RIPOR2: variants seen among roughly 807,000 people sequenced by gnomAD.
RIPOR2 encodes rho family-interacting cell polarization regulator 2.
RIPOR2 carries 39 observed loss-of-function variants against 114.5 expected under a neutral mutation model. That is an observed-to-expected ratio of 0.34 (90% CI 0.26 to 0.44). The LOEUF is 0.44. Among genes scored for constraint, RIPOR2 ranks in the 20% least tolerant of loss-of-function variants. RIPOR2 has a pLI of 1.00. For missense variants in RIPOR2, 1,007 were observed against 1,255.1 expected, an observed-to-expected ratio of 0.80 and a Z score of 2.99; for synonymous variants, 445 against 484.4, an observed-to-expected ratio of 0.92 and a Z score of 1.07.
chr6:25,002,184 A>G (rs977802878), intron 1 of RIPOR2, among the ~76,000 whole-genome samples: 8 of 152,256 alleles, frequency 5.3e-5, no homozygotes, highest in Non-Finnish European at 1.0e-4. Context: ...TCCTTAGACT[A>G]TAGGTATGAC....
rs1257954178 is a variant in RIPOR2 at position 24,832,365 on chromosome 6, T to A, written c.2235A>T (p.Pro745=). 1 of 1,552,104 alleles carries A rather than the reference T, an allele frequency of 6.4e-7. No homozygotes were observed. The highest frequency in any genetic ancestry group is 8.7e-7 in the Non-Finnish European group (1 of 1,147,034). The change falls in exon 16 of 22, where the codon CCA becomes CCT. Residue 745 remains proline, a synonymous_variant. Transcript: ENST00000643898. ...VQQIVFSSKT[P]FVARSLLEKL... ...TCTCTAAGAGACTTCTTGCCACAAA[T>A]GGGGTTTTGCTTGAGAAAACAATTT...
intron 1 of RIPOR2, among the ~76,000 whole-genome samples, chr6:24,973,495 G>T (rs751288082): frequency 2.4e-4 from 36 of 151,806 alleles, no homozygotes; most frequent in Non-Finnish European, 4.4e-4. Context: ...TACTTGGGAG[G>T]CTGAGGCAGG....
At chr6:24,926,476 T>C (rs914819252) in intron 1 of RIPOR2, among the ~76,000 whole-genome samples, 8 of 152,350 alleles carry the variant, frequency 5.3e-5, no homozygotes, top group African/African-American at 1.9e-4. Flanking sequence ...GTATGTATTC[T>C]GTGCCAAGCA....
At chr6:24,894,339 G>T (rs1385846589) in intron 1 of RIPOR2, among the ~76,000 whole-genome samples, 1 of 152,120 alleles carries the variant, frequency 6.6e-6, no homozygotes, top group Non-Finnish European at 1.5e-5. Context: ...GTATAGAAGG[G>T]AAATTCATCT....
intron 1 of RIPOR2, among the ~76,000 whole-genome samples, chr6:24,932,314 CTGTG>C (rs58590259): frequency 0.099 from 14,630 of 148,420 alleles, 1,213 homozygotes; most frequent in African/African-American, 0.23. Flanking sequence ...AAACTTAAGA[CTGTG>C]TGTGTGTGTG....
intron 1 of RIPOR2, among the ~76,000 whole-genome samples, chr6:25,005,579 T>G (rs1480594607): frequency 1.3e-5 from 2 of 151,082 alleles, no homozygotes; most frequent in African/African-American, 4.9e-5. Context: ...GTGAACAAAG[T>G]CAGAGACATA....
At chr6:24,862,690 A>G (rs1581635186) in intron 7 of RIPOR2, among the ~76,000 whole-genome samples, 2 of 152,226 alleles carry the variant, frequency 1.3e-5, no homozygotes, top group Admixed American at 1.3e-4. Context: ...AGACATATCA[A>G]CTATGCTATC....
chr6:24,960,188 T>C (rs1426986799), intron 1 of RIPOR2, among the ~76,000 whole-genome samples: 3 of 152,210 alleles, frequency 2.0e-5, no homozygotes, highest in Non-Finnish European at 4.4e-5. Context: ...TCTGTTTGTA[T>C]TGCTACAACA....
chr6:25,035,428 A>G (rs1777194358), intron 1 of RIPOR2, among the ~76,000 whole-genome samples: 2 of 152,168 alleles, frequency 1.3e-5, no homozygotes, highest in Non-Finnish European at 2.9e-5. Flanking sequence ...CCCAGCCTGA[A>G]GCCTAAAATC....
chr6:24,877,564 G>A (rs1029155577), intron 1 of RIPOR2, among the ~76,000 whole-genome samples: 1 of 152,146 alleles, frequency 6.6e-6, no homozygotes, highest in Admixed American at 6.5e-5. Flanking sequence ...GTGCAGATAA[G>A]GTTCTCTCTG....
chr6:24,829,327 T>A (rs548143290), intron 17 of RIPOR2, among the ~76,000 whole-genome samples: 109 of 151,410 alleles, frequency 7.2e-4, no homozygotes, highest in African/African-American at 1.9e-3. Context: ...ATAAATAAAT[T>A]AATTAATTAA....
At chr6:24,911,609 G>C (rs552724580) in intron 1 of RIPOR2, among the ~76,000 whole-genome samples, 1 of 152,266 alleles carries the variant, frequency 6.6e-6, no homozygotes, top group African/African-American at 2.4e-5. Context: ...CATAAAGATG[G>C]CAGAAAGAGA....
chr6:24,899,037 G>C (rs1768163442), intron 1 of RIPOR2, among the ~76,000 whole-genome samples: 1 of 148,458 alleles, frequency 6.7e-6, no homozygotes, highest in Non-Finnish European at 1.5e-5. Context: ...GGCCTTAGCA[G>C]CTATCTATTG....
rs149123529 is a variant in RIPOR2, at chr6:24,962,863, G to A, written c.76+78988C>T. Among the ~76,000 whole-genome samples the A allele has an allele frequency of 4.4e-3, 662 of 152,182 alleles. 4 individuals carry two copies. The highest frequency in any genetic ancestry group is 0.014 in the Middle Eastern group (4 of 294). On this transcript the variant is annotated intron_variant, in intron 1 of 13. Coordinates refer to the RIPOR2 transcript ENST00000510784. ...TGAATTTGCTTGAGGTCTCCACTTGGGATTCAGTGATTGGAAGTGGAAAAA... is the reference window on the plus strand; with the variant it reads ...TGAATTTGCTTGAGGTCTCCACTTGAGATTCAGTGATTGGAAGTGGAAAAA...
chr6:25,027,225 T>G (rs1390875229), intron 1 of RIPOR2, among the ~76,000 whole-genome samples: 2 of 152,058 alleles, frequency 1.3e-5, no homozygotes. Context: ...CAAACGACAA[T>G]CGCGTAGGGG....
chr6:24,854,999 C>T (rs1763304408), intron 8 of RIPOR2, among the ~76,000 whole-genome samples: 1 of 140,854 alleles, frequency 7.1e-6, no homozygotes, highest in South Asian at 2.2e-4. Flanking sequence ...TGCACTTTAG[C>T]CTGGCAACAG....
intron 1 of RIPOR2, among the ~76,000 whole-genome samples, chr6:24,916,904 C>T (rs959611351): frequency 3.9e-5 from 6 of 152,164 alleles, no homozygotes; most frequent in Admixed American, 1.3e-4. Flanking sequence ...CTCCTCTCCA[C>T]CCCCACTTCT....
chr6:25,024,174 A>C, intron 1 of RIPOR2: 1 of 1,319,156 alleles, frequency 7.6e-7, no homozygotes, highest in African/African-American at 1.5e-5. Flanking sequence ...GGCGATTTCC[A>C]CTTGTTTGCT....
chr6:24,888,888 G>A (rs57346718), intron 1 of RIPOR2, among the ~76,000 whole-genome samples: 5,175 of 152,216 alleles, frequency 0.034, 275 homozygotes, highest in African/African-American at 0.11. Flanking sequence ...ACTCAAATAT[G>A]GTAATGTTCT....
Sources: gnomAD v4.1 joint callset for allele counts (sites outside exome capture counted in the v4.1 genomes callset) on GRCh38, gnomAD v4.1.1 for gene constraint, MANE v1.5 for transcripts, NCBI Gene and HGNC (gene_info 2026-07-23, HGNC 2026-07-21) for gene names.